The following BMPER variants were observed in gnomAD, a reference collection of about 807,000 sequenced individuals.
The protein encoded by BMPER is BMP binding endothelial regulator, also known as BMP-binding endothelial regulator protein.
A neutral mutation model predicts 87.3 loss-of-function variants in BMPER; 45 were observed. That is an observed-to-expected ratio of 0.52 (90% CI 0.41 to 0.66). BMPER has a LOEUF of 0.66. BMPER is among the 30% of genes least tolerant of loss of function. The pLI is 0.00. For missense variants in BMPER, 784 were observed against 867.5 expected (o/e 0.90, Z 1.21); for synonymous variants, 326 against 316.2 (o/e 1.03, Z -0.33).
At position 33,966,537 on chromosome 7, in the gene BMPER, G is replaced by A; in HGVS notation, c.378G>A (p.Glu126=). The change falls in exon 4 of 15, where the codon GAG becomes GAA. Residue 126 remains glutamate (E), a synonymous_variant. Transcript: ENST00000649409. ...CCTTCAAATGGCAGAGCCCGGCTGA[G>A]CCTTGTGTTCTACGCCAGTGCCAGG... ...NSSFKWQSPA[E]PCVLRQCQEG... is the part of the protein sequence containing the mutation. 6.2e-7 allele frequency: 1 copy of A among 1,613,858 alleles called. No individual in the cohort carries two copies. Among genetic ancestry groups the A allele is most frequent in the Admixed American group, 1.7e-5 (1 of 60,020 alleles).
intron 6 of BMPER, among the ~76,000 whole-genome samples, chr7:34,013,877 C>A (rs1188863639): frequency 1.3e-5 from 2 of 151,956 alleles, no homozygotes; most frequent in African/African-American, 4.8e-5. Context: ...CTTTTCTCCT[C>A]TTTTTACCCA....
intron 13 of BMPER, among the ~76,000 whole-genome samples, chr7:34,142,034 G>A (rs1790888032): frequency 6.6e-6 from 1 of 152,172 alleles, no homozygotes; most frequent in African/African-American, 2.4e-5. Flanking sequence ...GATCGTAAGT[G>A]CAGCTTGTAC....
rs192027852 is a variant in BMPER, at chr7:34,072,605, T to A, written c.1079-6252T>A. Among the ~76,000 whole-genome samples the A allele has an allele frequency of 9.3e-4, 141 of 152,274 alleles. 1 individual carries two copies. Among genetic ancestry groups the A allele is most frequent in the African/African-American group, 3.3e-3 (137 of 41,550 alleles). On this transcript the variant is annotated intron_variant, in intron 11 of 14. Transcript: ENST00000649409. ...AAGGGCCCTTGTGAATACATTCACC[T>A]CTTTCAGAAGTGCCCATCTTGAGAC...
At chr7:33,905,816 C>A in intron 1 of BMPER, 70 bp downstream of exon 1, 1 of 601,052 alleles carries the variant, frequency 1.7e-6, no homozygotes, top group Non-Finnish European at 2.9e-6. Context: ...GTGGCGCTGG[C>A]TTGCCCCGGG....
At chr7:34,140,239 A>T (rs908469219) in intron 13 of BMPER, among the ~76,000 whole-genome samples, 7 of 152,320 alleles carry the variant, frequency 4.6e-5, no homozygotes, top group Non-Finnish European at 7.3e-5. Context: ...TCCCTGAAAA[A>T]CACTCTGTGT....
rs182326878 is a variant in BMPER, at chr7:34,058,198, G to A, written c.1032+35G>A. On this transcript the variant is annotated intron_variant, in intron 10 of 14. Coordinates refer to ENST00000649409, the MANE Select transcript of BMPER (RefSeq NM_001365308.1). ...GAACACAGATTGACTTTACCTTAGC[G>A]TCTTGAGAAATGTCCTGTGTGTGGC... 7.3e-5 allele frequency: 116 copies of A among 1,584,564 alleles called. 1 individual carries two copies. Among genetic ancestry groups the A allele is most frequent in the South Asian group, 6.6e-4 (59 of 90,072 alleles).
At chr7:33,940,548 T>C (rs181258324) in intron 3 of BMPER, among the ~76,000 whole-genome samples, 1 of 152,310 alleles carries the variant, frequency 6.6e-6, no homozygotes, top group East Asian at 1.9e-4. Context: ...AACCTCTCTG[T>C]AACTCTTTTG....
intron 6 of BMPER, among the ~76,000 whole-genome samples, chr7:34,040,318 C>A (rs1242059728): frequency 6.6e-6 from 1 of 152,198 alleles, no homozygotes; most frequent in Admixed American, 6.5e-5. Flanking sequence ...CCCCTATAGG[C>A]AGAGCCTATC....
intron 6 of BMPER, among the ~76,000 whole-genome samples, chr7:34,008,564 G>A (rs1585732263): frequency 6.6e-6 from 1 of 151,880 alleles, no homozygotes; most frequent in Non-Finnish European, 1.5e-5. Context: ...AGGAGGCCAT[G>A]TTTGGACTTT....
intron 6 of BMPER, among the ~76,000 whole-genome samples, chr7:33,976,423 G>A (rs1303078573): frequency 1.3e-5 from 2 of 151,288 alleles, no homozygotes; most frequent in Admixed American, 1.3e-4. Flanking sequence ...AAAGTGCTGG[G>A]ATTACAGGTG....
intron 2 of BMPER, among the ~76,000 whole-genome samples, chr7:33,909,680 C>CAAAAAAAAAAA (rs60327948): frequency 3.7e-5 from 2 of 53,520 alleles, no homozygotes; most frequent in African/African-American, 1.4e-4. Context: ...ATAACATGTA[C>CAAAAAAAAAAA]AAAAAAAAAA....
intron 14 of BMPER, among the ~76,000 whole-genome samples, chr7:34,144,999 T>C (rs956582296): frequency 6.6e-6 from 1 of 152,202 alleles, no homozygotes; most frequent in African/African-American, 2.4e-5. Flanking sequence ...AGACATTGCG[T>C]TCACTTAGAC....
intron 13 of BMPER, among the ~76,000 whole-genome samples, chr7:34,102,857 A>G (rs1392877159): frequency 6.6e-6 from 1 of 152,144 alleles, no homozygotes; most frequent in Admixed American, 6.5e-5. Context: ...ACAAAGAAAC[A>G]CAGCAGGGGA....
At chr7:34,033,053 G>A (rs1042476674) in intron 6 of BMPER, among the ~76,000 whole-genome samples, 1 of 152,188 alleles carries the variant, frequency 6.6e-6, no homozygotes, top group African/African-American at 2.4e-5. Context: ...GTATATGGAA[G>A]TCCACACAAT....
chr7:33,936,749 T>A (rs1784612550), intron 2 of BMPER, among the ~76,000 whole-genome samples: 1 of 152,230 alleles, frequency 6.6e-6, no homozygotes, highest in Non-Finnish European at 1.5e-5. Flanking sequence ...TCCATGTCTC[T>A]GCTTGGCATG....
intron 6 of BMPER, among the ~76,000 whole-genome samples, chr7:33,999,583 T>C (rs1422435587): frequency 6.6e-6 from 1 of 152,254 alleles, no homozygotes; most frequent in African/African-American, 2.4e-5. Context: ...TTTTGCCTCA[T>C]ATCAGTTTCT....
At chr7:34,149,692 G>C (rs1791122425) in intron 14 of BMPER, among the ~76,000 whole-genome samples, 1 of 152,126 alleles carries the variant, frequency 6.6e-6, no homozygotes, top group Admixed American at 6.5e-5. Flanking sequence ...AGAGTTCACT[G>C]TCATAAGATA....
chr7:34,106,171 G>A (rs952625647), intron 13 of BMPER, among the ~76,000 whole-genome samples: 2 of 152,166 alleles, frequency 1.3e-5, no homozygotes, highest in Non-Finnish European at 2.9e-5. Flanking sequence ...CGTATCCAAT[G>A]TGCTCTTGTT....
intron 13 of BMPER, among the ~76,000 whole-genome samples, chr7:34,133,981 G>A (rs770254844): frequency 5.9e-5 from 9 of 152,096 alleles, no homozygotes; most frequent in African/African-American, 2.2e-4. Flanking sequence ...AATATGTGAC[G>A]TTCGATGTAG....
Sources: allele counts gnomAD v4.1 joint callset (sites outside exome capture counted in the v4.1 genomes callset), GRCh38; gene constraint gnomAD v4.1.1; transcripts MANE v1.5; gene names NCBI Gene and HGNC (gene_info 2026-07-23, HGNC 2026-07-21).